Variants in FEZ2 observed in about 807,000 individuals in gnomAD.
FEZ2 encodes fasciculation and elongation protein zeta 2.
Under a neutral mutation model 40.4 loss-of-function variants are expected in FEZ2, and 51 were observed. The observed-to-expected ratio is 1.26, with a 90% confidence interval of 1.01 to 1.59. The LOEUF (loss-of-function observed/expected upper bound fraction) is 1.59, where lower values mean the gene tolerates loss of function less well. Ranked by LOEUF, FEZ2 falls within the 40% of genes most tolerant of loss-of-function variation. FEZ2 has a pLI of 0.00. For missense variants in FEZ2, 640 were observed against 438.3 expected (o/e 1.46, Z -4.11); for synonymous variants, 242 against 172.0 (o/e 1.41, Z -3.18).
rs1440053271 is a variant in FEZ2 at position 36,581,339 on chromosome 2, G to T, written c.585C>A (p.Ser195=). ...ACCTCTTGAGAGTTTGAATTTCCTG[G>T]GAAAGCATTGAAAGCCGATCTGACT... ...PTQSDRLSML[S]QEIQTLKRSS... is the part of the protein sequence containing the mutation. The change falls in exon 4 of 8, where the codon TCC becomes TCA. Residue 195 remains serine (S), a synonymous_variant. Transcript: ENST00000405912. The T allele has an allele frequency of 6.2e-7, 1 of 1,613,694 alleles. No homozygotes were observed. Among genetic ancestry groups the T allele is most frequent in the Admixed American group, 1.7e-5 (1 of 60,010 alleles).
At chr2:36,571,933 G>A (rs1367682558) in intron 5 of FEZ2, among the ~76,000 whole-genome samples, 2 of 149,938 alleles carry the variant, frequency 1.3e-5, no homozygotes, top group Non-Finnish European at 3.0e-5. Context: ...GAGAATCGCT[G>A]GAACCGGGGA....
chr2:36,562,214 C>T (rs1199416448), intron 5 of FEZ2, among the ~76,000 whole-genome samples: 1 of 151,992 alleles, frequency 6.6e-6, no homozygotes, highest in Non-Finnish European at 1.5e-5. Context: ...TAAATATATG[C>T]TCTTTATAAT....
intron 5 of FEZ2, among the ~76,000 whole-genome samples, chr2:36,571,354 A>G (rs929227134): frequency 1.3e-5 from 2 of 152,216 alleles, no homozygotes; most frequent in Non-Finnish European, 2.9e-5. Context: ...ATGTGTCAAT[A>G]TTTACATTCA....
In FEZ2 at chr2:36,563,458, A is replaced by G. The variant is rs1668145847; in HGVS notation, c.904-4945T>C. Among the ~76,000 whole-genome samples, 3 of 152,062 alleles carry G rather than the reference A, an allele frequency of 2.0e-5. No homozygotes were observed. The South Asian group carries it at 6.2e-4, about 32-fold the overall frequency. On this transcript the variant is annotated intron_variant, in intron 5 of 7. Transcript: ENST00000405912. ...AGCAATGTGCAGCATGTACAGTTCAATCGCCTCTTGATCCATTGGAAAATT... is the reference window on the plus strand; with the variant it reads ...AGCAATGTGCAGCATGTACAGTTCAGTCGCCTCTTGATCCATTGGAAAATT...
intron 5 of FEZ2, among the ~76,000 whole-genome samples, chr2:36,568,415 A>G (rs1279178832): frequency 6.6e-6 from 1 of 152,256 alleles, no homozygotes; most frequent in Non-Finnish European, 1.5e-5. Context: ...AATAACTGCA[A>G]TAACGCAGTA....
In FEZ2 at chr2:36,552,752, AAC is replaced by A. The variant is rs1035880822; in HGVS notation, c.*409_*410del. 1.0e-5 allele frequency: 2 copies of A among 195,728 alleles called. No homozygotes were observed. Among genetic ancestry groups the A allele is most frequent in the East Asian group, 1.4e-4 (1 of 7,326 alleles). 12.1% of individuals were successfully genotyped at this position (195,728 alleles called of 1,614,324 possible). A position where few individuals can be genotyped will look rare whatever the true frequency, so the allele number is the denominator to read the frequency against. ...GTTACACTGACAATTCTCACAAAAA[AAC>A]AGTGTTGGTTCTTGCCATCACTGAA... On this transcript the variant is annotated 3_prime_UTR_variant, in exon 8 of 8. Coordinates refer to ENST00000405912, the MANE Select transcript of FEZ2 (RefSeq NM_005102.3).
At position 36,552,597 on chromosome 2, in the gene FEZ2, CCAT is replaced by C. The variant is rs1351567057; in HGVS notation, c.*563_*565del. 4.1e-6 allele frequency: 1 copy of C among 243,028 alleles called. No individual in the cohort carries two copies. The highest frequency in any genetic ancestry group is 2.3e-5 in the African/African-American group (1 of 43,184). 15.1% of individuals were successfully genotyped at this position (243,028 alleles called of 1,614,324 possible). ...TGAAACAAGCAGCAAGCTACAAAAT[CCAT>C]CACCACCAACAGTTTCAATGTTAGC... On this transcript the variant is annotated 3_prime_UTR_variant, in exon 8 of 8. Transcript: ENST00000405912.
intron 2 of FEZ2, among the ~76,000 whole-genome samples, chr2:36,587,896 C>G (rs1344039080): frequency 6.6e-6 from 1 of 152,164 alleles, no homozygotes. Context: ...TCAGTGTGTG[C>G]TAATCCTCCC....
At chr2:36,583,810 T>C (rs554420780) in intron 2 of FEZ2, among the ~76,000 whole-genome samples, 5 of 152,318 alleles carry the variant, frequency 3.3e-5, no homozygotes, top group Non-Finnish European at 5.9e-5. Flanking sequence ...CACACTAAGA[T>C]TGGTAGACGT....
intron 7 of FEZ2, chr2:36,554,068 T>C (rs967247318): frequency 1.2e-5 from 4 of 344,110 alleles, no homozygotes; most frequent in African/African-American, 6.5e-5. Context: ...CCTTGCTGCT[T>C]TTCCACCCAG....
chr2:36,579,202 CA>C (rs869119884), intron 4 of FEZ2: 3 of 198,356 alleles, frequency 1.5e-5, no homozygotes, highest in Non-Finnish European at 1.9e-5. Context: ...AGAACAAACA[CA>C]AAAGTCGAGG....
intron 5 of FEZ2, among the ~76,000 whole-genome samples, chr2:36,566,239 C>T (rs962287767): frequency 2.0e-5 from 3 of 151,840 alleles, no homozygotes; most frequent in Admixed American, 2.0e-4. Flanking sequence ...ACTCGGGAGG[C>T]TGAGGCAGGA....
At chr2:36,560,068 T>C (rs1373745275) in intron 5 of FEZ2, among the ~76,000 whole-genome samples, 1 of 152,230 alleles carries the variant, frequency 6.6e-6, no homozygotes, top group African/African-American at 2.4e-5. Flanking sequence ...TTAAAGACTT[T>C]TCTTTTTCAA....
At chr2:36,573,304 G>A (rs983322688) in intron 5 of FEZ2, among the ~76,000 whole-genome samples, 4 of 152,032 alleles carry the variant, frequency 2.6e-5, no homozygotes, top group Non-Finnish European at 5.9e-5. Flanking sequence ...TAAGCAGGTA[G>A]GCCATAATGC....
intron 5 of FEZ2, among the ~76,000 whole-genome samples, chr2:36,562,531 G>A (rs527652428): frequency 1.2e-4 from 19 of 152,238 alleles, no homozygotes; most frequent in African/African-American, 4.3e-4. Flanking sequence ...GCCTTTCCCA[G>A]ATTTGCAAGC....
intron 6 of FEZ2, 56 bp downstream of exon 6, chr2:36,558,382 T>A: frequency 9.3e-7 from 1 of 1,074,008 alleles, no homozygotes; most frequent in Admixed American, 2.5e-5. Context: ...TAAAGTCAGG[T>A]GTTTACCAAT....
chr2:36,565,229 G>A (rs1470181973), intron 5 of FEZ2, among the ~76,000 whole-genome samples: 1 of 152,116 alleles, frequency 6.6e-6, no homozygotes, highest in Admixed American at 6.5e-5. Flanking sequence ...CGCTGCAACA[G>A]CCTCCTAATT....
intron 4 of FEZ2, among the ~76,000 whole-genome samples, chr2:36,580,502 G>A (rs1668703647): frequency 6.6e-6 from 1 of 152,180 alleles, no homozygotes; most frequent in African/African-American, 2.4e-5. Context: ...GCTGTTCACA[G>A]GCTGGTTATA....
chr2:36,586,948 T>A (rs1668919708), intron 2 of FEZ2, among the ~76,000 whole-genome samples: 1 of 152,188 alleles, frequency 6.6e-6, no homozygotes, highest in Non-Finnish European at 1.5e-5. Context: ...ACTCTCTCAA[T>A]CTATCAATCA....
Sources: allele counts gnomAD v4.1 joint callset (sites outside exome capture counted in the v4.1 genomes callset), GRCh38; gene constraint gnomAD v4.1.1; transcripts MANE v1.5; gene names NCBI Gene and HGNC (gene_info 2026-07-23, HGNC 2026-07-21).